The following ZNF98 variants were observed in gnomAD, a reference collection of about 807,000 sequenced individuals.
The protein encoded by ZNF98 is zinc finger protein 98.
ZNF98 carries 8 observed loss-of-function variants against 12.8 expected under a neutral mutation model. The ratio of observed to expected loss-of-function variants is 0.63; its 90% CI spans 0.37 to 1.13. The LOEUF (loss-of-function observed/expected upper bound fraction) is 1.13, where lower values mean the gene tolerates loss of function less well. ZNF98 is among the 50% of genes most tolerant of loss of function. The probability of loss-of-function intolerance (pLI) is 0.01; values close to 1 mark genes in which losing one functional copy is unlikely to be tolerated. For synonymous variants in ZNF98, 112 were observed against 223.5 expected (o/e 0.50, Z 4.45); for missense variants, 379 against 666.1 (o/e 0.57, Z 4.74).
At chr19:22,420,743 A>G (rs1051556378) in intron 1 of ZNF98, among the ~76,000 whole-genome samples, 1 of 152,200 alleles carries the variant, frequency 6.6e-6, no homozygotes, top group African/African-American at 2.4e-5. Context: ...ACCCAGGAAC[A>G]AGAAAAAACG....
chr19:22,392,823 A>AT lies in ZNF98; in HGVS notation c.411dup (p.Cys138MetfsTer6), dbSNP rs1236065643. On this transcript the variant is annotated frameshift_variant, in exon 4 of 4. Transcript: ENST00000357774. LOFTEE classifies it low-confidence loss of function (END_TRUNC). Reference sequence around the variant, plus strand: ...AAACACTGGTTAAGTCCATTGTAACATTCTTTGTGCACCTTACACTCATCC... The same window carrying AT: ...AAACACTGGTTAAGTCCATTGTAACATTTCTTTGTGCACCTTACACTCATCC... The AT allele has an allele frequency of 6.2e-7, 1 of 1,612,406 alleles. No individual in the cohort carries two copies. The highest frequency in any genetic ancestry group is 1.7e-5 in the Admixed American group (1 of 59,616).
intron 1 of ZNF98, among the ~76,000 whole-genome samples, chr19:22,417,434 G>A (rs1969658046): frequency 6.6e-6 from 1 of 151,940 alleles, no homozygotes; most frequent in African/African-American, 2.4e-5. Context: ...AATTTTAGCT[G>A]TATAACAAAC....
intron 2 of ZNF98, 115 bp downstream of exon 2, chr19:22,403,260 AAAAAAAAAAAC>A: frequency 8.6e-7 from 1 of 1,163,750 alleles, no homozygotes. Context: ...CTTGAAGTTA[AAAAAAAAAAAC>A]AAAAAAAAAA....
intron 1 of ZNF98, among the ~76,000 whole-genome samples, chr19:22,420,531 G>T (rs559331075): frequency 2.0e-5 from 3 of 152,108 alleles, no homozygotes; most frequent in Admixed American, 1.3e-4. Flanking sequence ...GAAGACAATT[G>T]TAATGTCTCA....
At chr19:22,396,452 AAG>A (rs1243010738) in intron 3 of ZNF98, among the ~76,000 whole-genome samples, 3 of 152,166 alleles carry the variant, frequency 2.0e-5, no homozygotes, top group Non-Finnish European at 4.4e-5. Context: ...AAAAGACACA[AAG>A]AGAGAAAATG....
chr19:22,398,624 G>A (rs1969423484), intron 3 of ZNF98, among the ~76,000 whole-genome samples: 1 of 151,758 alleles, frequency 6.6e-6, no homozygotes, highest in African/African-American at 2.4e-5. Flanking sequence ...CAAAATCCGG[G>A]GATTACAGAC....
intron 3 of ZNF98, among the ~76,000 whole-genome samples, chr19:22,393,192 A>G (rs7248242): frequency 0.39 from 59,145 of 151,600 alleles, 12,137 homozygotes; most frequent in Non-Finnish European, 0.46. Context: ...AGTGCCCCAG[A>G]TGAGCCCAAT....
chr19:22,401,081 C>A (rs1969450964), intron 3 of ZNF98, among the ~76,000 whole-genome samples: 1 of 146,290 alleles, frequency 6.8e-6, no homozygotes, highest in Non-Finnish European at 1.5e-5. Context: ...TTTAACACAG[C>A]ACTGGAAGTA....
chr19:22,416,185 T>C (rs1969640637), intron 1 of ZNF98, among the ~76,000 whole-genome samples: 1 of 145,834 alleles, frequency 6.9e-6, no homozygotes, highest in South Asian at 2.2e-4. Context: ...AAAAATAAAG[T>C]ATGGGCCAGG....
chr19:22,412,802 C>G (rs1252856036), intron 1 of ZNF98, among the ~76,000 whole-genome samples: 1 of 152,056 alleles, frequency 6.6e-6, no homozygotes, highest in East Asian at 1.9e-4. Flanking sequence ...CCTGTAATCC[C>G]AGCACTTTGG....
chr19:22,402,757 C>A (rs148120413), intron 3 of ZNF98, 32 bp downstream of exon 3: 43,278 of 1,510,226 alleles, frequency 0.029, 803 homozygotes, highest in Admixed American at 0.074. Flanking sequence ...TCATCTGTGT[C>A]GTCTGTTGTA....
intron 1 of ZNF98, among the ~76,000 whole-genome samples, chr19:22,409,577 C>T (rs984439360): frequency 6.6e-6 from 1 of 152,044 alleles, no homozygotes; most frequent in African/African-American, 2.4e-5. Flanking sequence ...TTACAAGAAA[C>T]TTTAAAAAAT....
intron 1 of ZNF98, 139 bp downstream of exon 1, chr19:22,422,056 G>A: frequency 8.9e-7 from 1 of 1,118,260 alleles, no homozygotes; most frequent in Non-Finnish European, 1.4e-6. Flanking sequence ...AGGGGACTGA[G>A]GCCGAGCTAG....
At chr19:22,417,491 A>T (rs1969658594) in intron 1 of ZNF98, among the ~76,000 whole-genome samples, 2 of 152,072 alleles carry the variant, frequency 1.3e-5, no homozygotes, top group African/African-American at 4.8e-5. Context: ...AAAGAATAAA[A>T]ATCTATGAGT....
intron 1 of ZNF98, among the ~76,000 whole-genome samples, chr19:22,408,964 A>G (rs183617363): frequency 6.6e-6 from 1 of 152,344 alleles, no homozygotes; most frequent in Admixed American, 6.5e-5. Flanking sequence ...GGAACCAAAA[A>G]AGAGCCCATA....
intron 1 of ZNF98, among the ~76,000 whole-genome samples, chr19:22,415,150 G>A (rs1305687214): frequency 2.6e-5 from 4 of 152,078 alleles, no homozygotes; most frequent in Non-Finnish European, 4.4e-5. Context: ...AATCATTAGA[G>A]AAATTCAAAG....
At chr19:22,394,982 T>G (rs376997045) in intron 3 of ZNF98, among the ~76,000 whole-genome samples, 1 of 151,774 alleles carries the variant, frequency 6.6e-6, no homozygotes. Flanking sequence ...GACCAAGCCT[T>G]GGCAACATAG....
chr19:22,397,412 A>G (rs1428875599), intron 3 of ZNF98, among the ~76,000 whole-genome samples: 3 of 152,150 alleles, frequency 2.0e-5, no homozygotes, highest in Non-Finnish European at 4.4e-5. Context: ...AATTATTTCT[A>G]ACAGAGGTAT....
rs116270361 is a variant in ZNF98 at position 22,392,702 on chromosome 19, C to A, written c.533G>T (p.Gly178Val). ...NSNRHKIGHT[G>V]KKSFKCKECE... The stretch of plus-strand genomic sequence containing the variant: ...TTCTTTACACTTGAAAGATTTCTTT[C>A]CAGTATGTCCTATCTTATGTCTGTT... The change falls in exon 4 of 4, where the codon GGA becomes GTA. Residue 178 changes from glycine (G) to valine (V), a missense_variant. By Grantham distance (109) the Gly-to-Val change is moderately radical. Coordinates refer to ENST00000357774, the MANE Select transcript of ZNF98 (RefSeq NM_001098626.2). The A allele has an allele frequency of 6.2e-7, 1 of 1,601,584 alleles. No individual in the cohort carries two copies. The highest frequency in any genetic ancestry group is 8.5e-7 in the Non-Finnish European group (1 of 1,173,426).
Sources: allele counts gnomAD v4.1 joint callset (sites outside exome capture counted in the v4.1 genomes callset), GRCh38; gene constraint gnomAD v4.1.1; transcripts MANE v1.5; gene names NCBI Gene and HGNC (gene_info 2026-07-23, HGNC 2026-07-21).